The following CLEC2D variants were observed in gnomAD, a reference collection of about 807,000 sequenced individuals.
CLEC2D encodes C-type lectin domain family 2 member D.
Under a neutral mutation model 20.0 loss-of-function variants are expected in CLEC2D, and 16 were observed. The ratio of observed to expected loss-of-function variants is 0.80; its 90% CI spans 0.54 to 1.22. CLEC2D has a LOEUF of 1.22. Among genes scored for constraint, CLEC2D ranks in the 50% most tolerant of loss-of-function variants. CLEC2D has a pLI of 0.00. For missense variants in CLEC2D, 207 were observed against 221.5 expected (o/e 0.93, Z 0.42); for synonymous variants, 77 against 71.1 (o/e 1.08, Z -0.42).
At position 9,681,593 on chromosome 12, in the gene CLEC2D, A is replaced by C. The variant is rs1008180709; in HGVS notation, c.172+560A>C. Among the ~76,000 whole-genome samples the C allele has an allele frequency of 2.2e-5, 3 of 137,996 alleles. No homozygotes were observed. In the South Asian group the frequency reaches 7.3e-4, roughly 34 times the overall value. The allele number at this position is 137,996 out of a possible 152,430, so 90.5% of individuals were successfully genotyped here. On this transcript the variant is annotated intron_variant, in intron 2 of 4. Coordinates refer to ENST00000290855, the MANE Select transcript of CLEC2D (RefSeq NM_013269.6). Reference sequence around the variant, plus strand: ...TAAAAATTATCTTGTACTTCAAAACATGCTTGCAGTGCATCTAATATAGAC... The same window carrying C: ...TAAAAATTATCTTGTACTTCAAAACCTGCTTGCAGTGCATCTAATATAGAC...
intron 1 of CLEC2D, among the ~76,000 whole-genome samples, chr12:9,675,191 CTTT>C (rs56363104): frequency 3.1e-4 from 40 of 130,204 alleles, no homozygotes; most frequent in Non-Finnish European, 3.6e-4. Context: ...TTGTCTATTC[CTTT>C]TTTTTTTTTT....
At position 9,699,120 on chromosome 12, in the gene CLEC2D, ATTAT is replaced by A. The variant is rs1305337524; in HGVS notation, c.*4250_*4253del. The A allele has an allele frequency of 6.6e-6, 1 of 151,956 alleles. No individual in the cohort carries two copies. Among genetic ancestry groups the A allele is most frequent in the Admixed American group, 6.6e-5 (1 of 15,250 alleles). 9.4% of individuals were successfully genotyped at this position (151,956 alleles called of 1,614,324 possible). ...CTTCACCCCATTAAGTTCTCCCCAA[ATTAT>A]TTACTCTTCCCCCAAAATCACCCAC... On this transcript the variant is annotated 3_prime_UTR_variant, in exon 5 of 5. Coordinates refer to ENST00000290855, the MANE Select transcript of CLEC2D (RefSeq NM_013269.6).
intron 1 of CLEC2D, 99 bp downstream of exon 1, chr12:9,669,894 T>G: frequency 2.3e-6 from 2 of 879,358 alleles, no homozygotes; most frequent in East Asian, 2.6e-5. Context: ...TAGTAAAAAG[T>G]TTTCAAGGAT....
At chr12:9,682,131 A>G (rs540311698) in intron 2 of CLEC2D, among the ~76,000 whole-genome samples, 14 of 152,140 alleles carry the variant, frequency 9.2e-5, no homozygotes, top group Non-Finnish European at 1.8e-4. Flanking sequence ...CACTTTGGAA[A>G]TGATTTCTTG....
At chr12:9,679,727 C>A (rs1209067683) in intron 1 of CLEC2D, among the ~76,000 whole-genome samples, 4 of 152,058 alleles carry the variant, frequency 2.6e-5, no homozygotes. Context: ...TCTTGGGAAA[C>A]ATCAATGTAA....
At position 9,696,782 on chromosome 12, in the gene CLEC2D, A is replaced by G. The variant is rs377230898; in HGVS notation, c.*1908A>G. 6.6e-6 allele frequency: 1 copy of G among 152,504 alleles called. No homozygotes were observed. The highest frequency in any genetic ancestry group is 1.5e-5 in the Non-Finnish European group (1 of 68,278). The allele number at this position is 152,504 out of a possible 1,614,324, so 9.4% of individuals were successfully genotyped here. A position where few individuals can be genotyped will look rare whatever the true frequency, so the allele number is the denominator to read the frequency against. On this transcript the variant is annotated 3_prime_UTR_variant, in exon 5 of 5. Transcript: ENST00000290855. The stretch of plus-strand genomic sequence containing the variant: ...GGTGGGAACACAGTTTGGTGCAGCC[A>G]TTATAGAAAACGTCATGGAGGTTCC...
At position 9,696,121 on chromosome 12, in the gene CLEC2D, G is replaced by A. The variant is rs1166497069; in HGVS notation, c.*1247G>A. On this transcript the variant is annotated 3_prime_UTR_variant, in exon 5 of 5. Transcript: ENST00000290855. ...AATGCAAGCAAGTATAGAAAAACGT[G>A]GTTCTCTTCCCAAAGTGGAAACCAA... 4 of 999,498 alleles carry A rather than the reference G, an allele frequency of 4.0e-6. No homozygotes were observed. The highest frequency in any genetic ancestry group is 1.6e-5 in the African/African-American group (1 of 63,532). The allele number at this position is 999,498 out of a possible 1,614,324, so 61.9% of individuals were successfully genotyped here. A position where few individuals can be genotyped will look rare whatever the true frequency, so the allele number is the denominator to read the frequency against.
intron 1 of CLEC2D, among the ~76,000 whole-genome samples, chr12:9,672,677 C>T (rs1486946820): frequency 6.6e-6 from 1 of 152,142 alleles, no homozygotes; most frequent in African/African-American, 2.4e-5. Flanking sequence ...GTTCCATCCT[C>T]CCTGTCTCTT....
chr12:9,672,972 A>G (rs1038372111), intron 1 of CLEC2D, among the ~76,000 whole-genome samples: 4 of 152,032 alleles, frequency 2.6e-5, no homozygotes, highest in Non-Finnish European at 5.9e-5. Context: ...GTAATCTTTT[A>G]TCATGCTTCT....
At chr12:9,681,122 A>G in intron 2 of CLEC2D, 89 bp downstream of exon 2, 1 of 738,918 alleles carries the variant, frequency 1.4e-6, no homozygotes, top group Admixed American at 2.6e-5. Flanking sequence ...TATTCTTTAC[A>G]GCTTTTAATA....
chr12:9,675,975 T>C (rs1285609858), intron 1 of CLEC2D, among the ~76,000 whole-genome samples: 1 of 152,254 alleles, frequency 6.6e-6, no homozygotes, highest in Non-Finnish European at 1.5e-5. Context: ...GACTTTTGTG[T>C]ATTAGCCATG....
At position 9,690,317 on chromosome 12, in the gene CLEC2D, T is replaced by C. The variant is rs1477952161; in HGVS notation, c.357+2231T>C. ...TAACACATTTTCAGATAACCAATAATTAAGGGATTTTATTACCAGTAGACA... is the reference window on the plus strand; with the variant it reads ...TAACACATTTTCAGATAACCAATAACTAAGGGATTTTATTACCAGTAGACA... On this transcript the variant is annotated intron_variant, in intron 3 of 4. Transcript: ENST00000290855. 2.0e-5 allele frequency among the ~76,000 whole-genome samples: 3 copies of C among 152,004 alleles called. 1 individual carries two copies. In the South Asian group the frequency reaches 6.2e-4, roughly 31 times the overall value.
chr12:9,694,703 C>T (rs1865938903), intron 4 of CLEC2D, 57 bp from the exon 5 acceptor site: 1 of 901,516 alleles, frequency 1.1e-6, no homozygotes, highest in Non-Finnish European at 1.9e-6. Context: ...CATCTTCATT[C>T]TCTCTGCTGT....
intron 1 of CLEC2D, among the ~76,000 whole-genome samples, chr12:9,670,796 A>G (rs1469413394): frequency 6.6e-6 from 1 of 152,202 alleles, no homozygotes; most frequent in East Asian, 1.9e-4. Flanking sequence ...CCATTCTGAA[A>G]GCCTTTGTAG....
At chr12:9,680,824 C>T (rs183787726) in intron 1 of CLEC2D, 99 bp from the exon 2 acceptor site, 43 of 619,400 alleles carry the variant, frequency 6.9e-5, no homozygotes, top group African/African-American at 1.3e-4. Flanking sequence ...TAGTGAAAAG[C>T]GAAGGAATTA....
chr12:9,670,999 A>C (rs1343062190), intron 1 of CLEC2D, among the ~76,000 whole-genome samples: 4 of 152,124 alleles, frequency 2.6e-5, no homozygotes. Flanking sequence ...CTTCCTCTTC[A>C]CCATCTGACC....
At chr12:9,688,190 ATTTTT>A (rs71045286) in intron 3 of CLEC2D, 104 bp downstream of exon 3, 1,895 of 784,612 alleles carry the variant, frequency 2.4e-3, no homozygotes, top group East Asian at 6.0e-3. Flanking sequence ...TTTTACATTG[ATTTTT>A]TTTTTTTTTT....
chr12:9,691,165 G>T (rs1367041668), intron 3 of CLEC2D, among the ~76,000 whole-genome samples: 1 of 152,016 alleles, frequency 6.6e-6, no homozygotes, highest in African/African-American at 2.4e-5. Context: ...AAATTTACAA[G>T]AGAAAAAGAA....
At chr12:9,693,222 C>T in intron 4 of CLEC2D, 2 of 776,304 alleles carry the variant, frequency 2.6e-6, no homozygotes, top group South Asian at 3.4e-5. Flanking sequence ...TCCTTACCTC[C>T]ACAACAAAAT....
Sources: gnomAD v4.1 joint callset for allele counts (sites outside exome capture counted in the v4.1 genomes callset) on GRCh38, gnomAD v4.1.1 for gene constraint, MANE v1.5 for transcripts, NCBI Gene and HGNC (gene_info 2026-07-23, HGNC 2026-07-21) for gene names.